Variants in RICTOR observed in about 807,000 individuals in gnomAD.
RICTOR encodes the protein RPTOR independent companion of MTOR complex 2.
RICTOR carries 49 observed loss-of-function variants against 214.9 expected under a neutral mutation model. That is an observed-to-expected ratio of 0.23 (90% CI 0.18 to 0.29). The LOEUF (loss-of-function observed/expected upper bound fraction) is 0.29, where lower values mean the gene tolerates loss of function less well. Ranked by LOEUF, RICTOR falls within the 10% of genes least tolerant of loss-of-function variation. The pLI is 1.00. For synonymous variants in RICTOR, 717 were observed against 711.3 expected (o/e 1.01, Z -0.13); for missense variants, 1,625 against 2,047.0 (o/e 0.79, Z 3.98).
At chr5:38,995,657 AG>A (rs1753127420) in intron 6 of RICTOR, among the ~76,000 whole-genome samples, 1 of 152,156 alleles carries the variant, frequency 6.6e-6, no homozygotes, top group Admixed American at 6.5e-5. Context: ...TATATATTTT[AG>A]TCCCTAACAT....
chr5:39,036,153 C>T (rs1001594101), intron 2 of RICTOR, among the ~76,000 whole-genome samples: 6 of 152,166 alleles, frequency 3.9e-5, no homozygotes, highest in Admixed American at 1.3e-4. Flanking sequence ...GAGAGTGGGG[C>T]CGAATATTCA....
At chr5:39,013,847 C>T (rs1000877243) in intron 3 of RICTOR, among the ~76,000 whole-genome samples, 2 of 152,106 alleles carry the variant, frequency 1.3e-5, no homozygotes, top group African/African-American at 2.4e-5. Flanking sequence ...CACACATACA[C>T]ATTTATATAC....
At chr5:39,010,881 T>C (rs986958017) in intron 3 of RICTOR, among the ~76,000 whole-genome samples, 1 of 152,144 alleles carries the variant, frequency 6.6e-6, no homozygotes, top group East Asian at 1.9e-4. Context: ...TGTTTAAAAG[T>C]GAAGCAGAGC....
intron 3 of RICTOR, among the ~76,000 whole-genome samples, chr5:39,011,725 G>A (rs1467090123): frequency 2.0e-5 from 3 of 152,170 alleles, no homozygotes; most frequent in East Asian, 1.9e-4. Flanking sequence ...GCCATATTGG[G>A]TTTTGGACTT....
chr5:39,003,817 AATCTTTT>A (rs1753825583), intron 3 of RICTOR, among the ~76,000 whole-genome samples, 195 bp from the exon 4 acceptor site: 2 of 152,076 alleles, frequency 1.3e-5, no homozygotes, highest in Non-Finnish European at 2.9e-5. Context: ...AAGTTTCTTT[AATCTTTT>A]ATCTTTCCTG....
chr5:38,996,630 T>C (rs1185987141), intron 6 of RICTOR, among the ~76,000 whole-genome samples, 189 bp downstream of exon 6: 3 of 152,314 alleles, frequency 2.0e-5, no homozygotes, highest in South Asian at 2.1e-4. Flanking sequence ...CCCAATCACA[T>C]AGAATTCCAC....
At chr5:39,011,440 C>T (rs1030271374) in intron 3 of RICTOR, among the ~76,000 whole-genome samples, 70 of 152,300 alleles carry the variant, frequency 4.6e-4, no homozygotes, top group Non-Finnish European at 5.1e-4. Context: ...ACAAAGTCCC[C>T]ACTGGGTACT....
intron 3 of RICTOR, among the ~76,000 whole-genome samples, chr5:39,004,416 G>A (rs2150108826): frequency 6.6e-6 from 1 of 151,888 alleles, no homozygotes; most frequent in South Asian, 2.1e-4. Context: ...TCTGCCATCA[G>A]TCTTATTGTT....
chr5:39,033,396 T>G (rs1032250793), intron 2 of RICTOR, among the ~76,000 whole-genome samples: 1 of 152,114 alleles, frequency 6.6e-6, no homozygotes, highest in Admixed American at 6.5e-5. Context: ...CCTGAGTAGC[T>G]GGGATTACAG....
At chr5:38,994,500 G>A (rs1163074206) in intron 6 of RICTOR, among the ~76,000 whole-genome samples, 3 of 140,152 alleles carry the variant, frequency 2.1e-5, no homozygotes, top group Non-Finnish European at 3.0e-5. Flanking sequence ...TTCTCTGGCC[G>A]ATAGAGGCCA....
At chr5:38,990,752 A>ATCATATATC (rs1336882288) in intron 7 of RICTOR, among the ~76,000 whole-genome samples, 197 bp downstream of exon 7, 1 of 52,552 alleles carries the variant, frequency 1.9e-5, no homozygotes, top group Non-Finnish European at 4.5e-5. Context: ...TATGAGATAT[A>ATCATATATC]TGATATATAT....
intron 15 of RICTOR, among the ~76,000 whole-genome samples, chr5:38,966,174 G>A (rs868060806): frequency 6.6e-6 from 1 of 152,040 alleles, no homozygotes; most frequent in Non-Finnish European, 1.5e-5. Context: ...TTATAGAAAA[G>A]ACTATAATGT....
intron 3 of RICTOR, among the ~76,000 whole-genome samples, chr5:39,014,651 T>C (rs1275394928): frequency 6.6e-6 from 1 of 152,166 alleles, no homozygotes; most frequent in East Asian, 1.9e-4. Flanking sequence ...CTTTAGATTA[T>C]GAGCATGTTG....
intron 6 of RICTOR, among the ~76,000 whole-genome samples, chr5:38,993,740 C>A (rs1042773147): frequency 6.6e-6 from 1 of 151,942 alleles, no homozygotes; most frequent in Non-Finnish European, 1.5e-5. Flanking sequence ...GGTTGAGCAT[C>A]CCTAATCCAA....
chr5:38,956,812 C>T (rs922840622), intron 25 of RICTOR, among the ~76,000 whole-genome samples: 3 of 152,108 alleles, frequency 2.0e-5, no homozygotes, highest in African/African-American at 7.2e-5. Context: ...ACAAACCTAT[C>T]ACATCTTGTC....
At chr5:39,014,150 C>T (rs543345819) in intron 3 of RICTOR, among the ~76,000 whole-genome samples, 2 of 152,220 alleles carry the variant, frequency 1.3e-5, no homozygotes, top group South Asian at 2.1e-4. Flanking sequence ...TGTGTAAGTA[C>T]ACTCTATGAT....
chr5:39,041,921 A>G (rs1010227493), intron 2 of RICTOR, among the ~76,000 whole-genome samples: 2 of 147,530 alleles, frequency 1.4e-5, no homozygotes, highest in African/African-American at 5.1e-5. Flanking sequence ...AGTTTGGGTG[A>G]CAGAGCAAGA....
At chr5:39,031,740 T>C (rs1393547341) in intron 2 of RICTOR, among the ~76,000 whole-genome samples, 1 of 152,210 alleles carries the variant, frequency 6.6e-6, no homozygotes, top group African/African-American at 2.4e-5. Flanking sequence ...AAAAGTTGGA[T>C]ACATATGCGA....
chr5:39,012,040 A>G (rs1019612489), intron 3 of RICTOR, among the ~76,000 whole-genome samples: 4 of 152,148 alleles, frequency 2.6e-5, no homozygotes, highest in African/African-American at 9.7e-5. Context: ...CTGTGTTCCC[A>G]CCCAAATCTC....
Sources: gnomAD v4.1 joint callset for allele counts (sites outside exome capture counted in the v4.1 genomes callset) on GRCh38, gnomAD v4.1.1 for gene constraint, MANE v1.5 for transcripts, NCBI Gene and HGNC (gene_info 2026-07-23, HGNC 2026-07-21) for gene names.